The following BRIP1 variants were observed in gnomAD, a reference collection of about 807,000 sequenced individuals.
BRIP1 encodes BRCA1 interacting DNA helicase 1, also known as Fanconi anemia group J protein.
BRIP1 carries 88 observed loss-of-function variants against 119.7 expected under a neutral mutation model. The ratio of observed to expected loss-of-function variants is 0.74; its 90% CI spans 0.62 to 0.88. The LOEUF (loss-of-function observed/expected upper bound fraction) is 0.88. Among genes scored for constraint, BRIP1 ranks in the 40% least tolerant of loss-of-function variants. The pLI is 0.00. For synonymous variants in BRIP1, 443 were observed against 496.5 expected, an observed-to-expected ratio of 0.89 and a Z score of 1.43; for missense variants, 1,259 against 1,455.4, an observed-to-expected ratio of 0.87 and a Z score of 2.20.
At chr17:61,820,358 T>A (rs1225422743) in intron 6 of BRIP1, among the ~76,000 whole-genome samples, 1 of 152,208 alleles carries the variant, frequency 6.6e-6, no homozygotes, top group Non-Finnish European at 1.5e-5. Context: ...ACAATCATGT[T>A]TTGAATGGCT....
intron 16 of BRIP1, among the ~76,000 whole-genome samples, chr17:61,741,157 T>C (rs1031131311): frequency 2.6e-5 from 4 of 152,206 alleles, no homozygotes; most frequent in African/African-American, 4.8e-5. Context: ...GAAACCACTT[T>C]CTTTGCTCAT....
In BRIP1 at chr17:61,845,157, A is replaced by T. The variant is rs2078709872; in HGVS notation, c.627+1944T>A. Among the ~76,000 whole-genome samples the T allele has an allele frequency of 6.6e-6, 1 of 152,232 alleles. No individual in the cohort carries two copies. Among genetic ancestry groups the T allele is most frequent in the Admixed American group, 6.5e-5 (1 of 15,292 alleles). ...TCAACATATAGCTTACATTATAATGATGTTGATGATTATTGCAATTTAACA... is the reference window on the plus strand; with the variant it reads ...TCAACATATAGCTTACATTATAATGTTGTTGATGATTATTGCAATTTAACA... On this transcript the variant is annotated intron_variant, in intron 6 of 19. Transcript: ENST00000259008. This position sits in a 1 kb window ranked among gnomAD's most constrained non-coding sequence, Gnocchi z 4.2.
At position 61,780,638 on chromosome 17, in the gene BRIP1, G is replaced by A. The variant is rs2145086329; in HGVS notation, c.1794+202C>T. 6.6e-6 allele frequency among the ~76,000 whole-genome samples: 1 copy of A among 152,208 alleles called. No homozygotes were observed. The highest frequency in any genetic ancestry group is 2.1e-4 in the South Asian group (1 of 4,814). On this transcript the variant is annotated intron_variant, in intron 12 of 19. Transcript: ENST00000259008. The surrounding 1 kb of genome is among the most constrained non-coding windows in gnomAD (Gnocchi z 5.4). ...AGCTACTCGGGAAGCTAAGGTGGGA[G>A]GATCGCTTGAGCCTGGAAGGTCAAG...
At position 61,708,731 on chromosome 17, in the gene BRIP1, C is replaced by T; in HGVS notation, c.2492+7220G>A. Among the ~76,000 whole-genome samples, 1 of 152,166 alleles carries T rather than the reference C, an allele frequency of 6.6e-6. No individual in the cohort carries two copies. The highest frequency in any genetic ancestry group is 2.1e-4 in the South Asian group (1 of 4,826). ...AGTAAGGCACTAAAACACTGATTGG[C>T]AGCTCTGAATGTATGGGTAGAGCTT... On this transcript the variant is annotated intron_variant, in intron 17 of 19. Transcript: ENST00000259008. The surrounding 1 kb of genome is among the most constrained non-coding windows in gnomAD (Gnocchi z 4.4).
In BRIP1 at chr17:61,778,402, G is replaced by A. The variant is rs1032836572; in HGVS notation, c.1936-1840C>T. On this transcript the variant is annotated intron_variant, in intron 13 of 19. Coordinates refer to ENST00000259008, the MANE Select transcript of BRIP1 (RefSeq NM_032043.3). This position sits in a 1 kb window ranked among gnomAD's most constrained non-coding sequence, Gnocchi z 4.4. ...GTTTTTCAAGAGGAGAAAGTCTTGA[G>A]ATTGGTTGCACAACAACATATACAT... is the stretch of plus-strand genomic sequence containing the variant. 2.6e-5 allele frequency among the ~76,000 whole-genome samples: 4 copies of A among 152,130 alleles called. No homozygotes were observed. Among genetic ancestry groups the A allele is most frequent in the Admixed American group, 6.5e-5 (1 of 15,270 alleles).
Position 61,827,398 on chromosome 17 carries a change from G to A in BRIP1, c.628-18641C>T, listed in dbSNP as rs1326655935. On this transcript the variant is annotated intron_variant, in intron 6 of 19. Transcript: ENST00000259008. This position sits in a 1 kb window ranked among gnomAD's most constrained non-coding sequence, Gnocchi z 5.8. ...ACAAGTTTACCTATATAACAAACCT[G>A]AGCATGTACCCCTGAACTTAAAATA... is the stretch of plus-strand genomic sequence containing the variant. Among the ~76,000 whole-genome samples the A allele has an allele frequency of 3.3e-5, 5 of 152,134 alleles. No individual in the cohort carries two copies. In the East Asian group the frequency reaches 5.8e-4, roughly 18 times the overall value.
At chr17:61,830,324 A>G (rs910697221) in intron 6 of BRIP1, among the ~76,000 whole-genome samples, 5 of 151,446 alleles carry the variant, frequency 3.3e-5, no homozygotes, top group Admixed American at 6.6e-5. Flanking sequence ...GCAGAAACCA[A>G]CAAAATAGAA....
intron 17 of BRIP1, among the ~76,000 whole-genome samples, chr17:61,694,176 A>G (rs1283878763): frequency 1.3e-5 from 2 of 152,142 alleles, no homozygotes; most frequent in Non-Finnish European, 2.9e-5. Context: ...AACCTATACC[A>G]CTTATCTATC....
Position 61,846,074 on chromosome 17 carries a change from C to A in BRIP1, c.627+1027G>T, listed in dbSNP as rs1447527174. Among the ~76,000 whole-genome samples the A allele has an allele frequency of 6.6e-6, 1 of 151,612 alleles. No individual in the cohort carries two copies. Among genetic ancestry groups the A allele is most frequent in the African/African-American group, 2.4e-5 (1 of 41,256 alleles). ...GCAGGCGCCTGTAGTCCCAACTACT[C>A]GGGAGGTTGAGGCAGGAGAATGGCA... On this transcript the variant is annotated intron_variant, in intron 6 of 19. Transcript: ENST00000259008. The surrounding 1 kb of genome is among the most constrained non-coding windows in gnomAD (Gnocchi z 4.3).
rs1555603597 is a variant in BRIP1, at chr17:61,784,401, T to C, written c.1497A>G (p.Gln499=). The change falls in exon 11 of 20, where the codon CAA becomes CAG. Residue 499 remains glutamine, a synonymous_variant. Coordinates refer to ENST00000259008, the MANE Select transcript of BRIP1 (RefSeq NM_032043.3). ...AAATTGGTGAGATTTTTTCCTCTTT[T>C]TGAAGAACAGCAGAAAAATGTCCCT... ...ILQGHFSAVL[Q]KEEKISPIYG... 4 of 1,613,462 alleles carry C rather than the reference T, an allele frequency of 2.5e-6. No individual in the cohort carries two copies. Among genetic ancestry groups the C allele is most frequent in the Non-Finnish European group, 3.4e-6 (4 of 1,179,540 alleles).
At chr17:61,716,707 T>G in intron 16 of BRIP1, among the ~76,000 whole-genome samples, 1 of 91,308 alleles carries the variant, frequency 1.1e-5, no homozygotes, top group East Asian at 3.6e-4. Flanking sequence ...ACCACCTTGC[T>G]TCCCCCCTAC....
In BRIP1 at chr17:61,680,587, C is replaced by T. The variant is rs1019032011; in HGVS notation, c.*2709G>A. Among the ~76,000 whole-genome samples the T allele has an allele frequency of 6.6e-6, 1 of 150,500 alleles. No individual in the cohort carries two copies. Among genetic ancestry groups the T allele is most frequent in the Non-Finnish European group, 1.5e-5 (1 of 67,786 alleles). On this transcript the variant is annotated 3_prime_UTR_variant, in exon 20 of 20. Coordinates refer to ENST00000259008, the MANE Select transcript of BRIP1 (RefSeq NM_032043.3). ...CTCCACCTCCCGGGTTCACGCCATTCTCCTGCCTCAGCCTCCTGAGTAGCT... is the reference window on the plus strand; with the variant it reads ...CTCCACCTCCCGGGTTCACGCCATTTTCCTGCCTCAGCCTCCTGAGTAGCT...
chr17:61,766,242 G>A (rs72842986), intron 14 of BRIP1, among the ~76,000 whole-genome samples: 8,695 of 152,184 alleles, frequency 0.057, 528 homozygotes, highest in Admixed American at 0.19. Flanking sequence ...TACTCAGAAT[G>A]TAGTATGTGC....
chr17:61,701,497 G>A lies in BRIP1; in HGVS notation c.2493-7985C>T, dbSNP rs150412027. On this transcript the variant is annotated intron_variant, in intron 17 of 19. Transcript: ENST00000259008. This position sits in a 1 kb window ranked among gnomAD's most constrained non-coding sequence, Gnocchi z 5.1. ...CATAATTTCAATCCTCAGCACTGTAGGTAATAACTCTGATCTTGTTTTCAC... is the reference window on the plus strand; with the variant it reads ...CATAATTTCAATCCTCAGCACTGTAAGTAATAACTCTGATCTTGTTTTCAC... 6.6e-6 allele frequency among the ~76,000 whole-genome samples: 1 copy of A among 152,276 alleles called. No homozygotes were observed. Among genetic ancestry groups the A allele is most frequent in the African/African-American group, 2.4e-5 (1 of 41,558 alleles).
At chr17:61,731,936 T>C (rs558558873) in intron 16 of BRIP1, among the ~76,000 whole-genome samples, 1 of 151,418 alleles carries the variant, frequency 6.6e-6, no homozygotes, top group Non-Finnish European at 1.5e-5. Flanking sequence ...GGTTGCTTTA[T>C]TATTCTGAAT....
chr17:61,771,515 A>G (rs1388709067), intron 14 of BRIP1, among the ~76,000 whole-genome samples: 2 of 152,230 alleles, frequency 1.3e-5, no homozygotes, highest in African/African-American at 4.8e-5. Context: ...GAGATACTAC[A>G]CTTTATACCC....
rs1373733804 is a variant in BRIP1, at chr17:61,827,434, T to TA, written c.628-18678_628-18677insT. Among the ~76,000 whole-genome samples the TA allele has an allele frequency of 1.1e-4, 16 of 151,566 alleles. No homozygotes were observed. Among genetic ancestry groups the TA allele is most frequent in the South Asian group, 6.3e-4 (3 of 4,794 alleles). The stretch of plus-strand genomic sequence containing the variant: ...CCTGAACTTAAAATAAAAATTAAAT[T>TA]TAAAAAAAATGGGGCTGGGAGTGGT... On this transcript the variant is annotated intron_variant, in intron 6 of 19. Coordinates refer to ENST00000259008, the MANE Select transcript of BRIP1 (RefSeq NM_032043.3). The surrounding 1 kb of genome is among the most constrained non-coding windows in gnomAD (Gnocchi z 5.8).
At chr17:61,765,897 T>C (rs2077366970) in intron 14 of BRIP1, among the ~76,000 whole-genome samples, 1 of 151,608 alleles carries the variant, frequency 6.6e-6, no homozygotes, top group South Asian at 2.1e-4. Flanking sequence ...ATTGTTACTT[T>C]CCAACTGCCC....
In BRIP1 at chr17:61,859,828, C is replaced by G. The variant is rs749920386; in HGVS notation, c.173G>C (p.Cys58Ser). The G allele has an allele frequency of 1.9e-6, 3 of 1,613,848 alleles. No homozygotes were observed. The South Asian group carries it at 3.3e-5, about 18-fold the overall frequency. Residue 58 changes from cysteine (C) to serine (S), a missense_variant, in exon 3 of 20, where the codon TGT becomes TCT. Cys to Ser is a moderately radical substitution (Grantham distance 112). Around this residue, in one of 3 missense-constraint regions of BRIP1, gnomAD observed 501 missense variants for 544.0 expected, o/e 0.92. Transcript: ENST00000259008. ...TGSGKSLALL[C>S]SALAWQQSLS... Reference sequence around the variant, plus strand: ...AGATTGTTGCCATGCTAAAGCAGAACAAAGTAAGGCTAAGCTTTTTCCACT... The same window carrying G: ...AGATTGTTGCCATGCTAAAGCAGAAGAAAGTAAGGCTAAGCTTTTTCCACT...
Sources: allele counts gnomAD v4.1 joint callset (sites outside exome capture counted in the v4.1 genomes callset), GRCh38; gene constraint gnomAD v4.1.1; regional missense constraint gnomAD v4.1.1; non-coding constraint Gnocchi (gnomAD v3.1); transcripts MANE v1.5; gene names NCBI Gene and HGNC (gene_info 2026-07-23, HGNC 2026-07-21).